DOCK2: variants seen among roughly 807,000 people sequenced by gnomAD.
DOCK2 encodes the protein dedicator of cytokinesis protein 2.
In DOCK2, 87 loss-of-function variants were observed where a neutral mutation model predicts 248.9. That is an observed-to-expected ratio of 0.35 (90% confidence interval 0.29 to 0.42). The LOEUF is 0.42. Ranked by LOEUF, DOCK2 falls within the 10% of genes least tolerant of loss-of-function variation. The pLI, the probability that DOCK2 is intolerant of heterozygous loss-of-function variation, is 1.00. For synonymous variants in DOCK2, 805 were observed against 821.6 expected (o/e 0.98, Z 0.35); for missense variants, 1,747 against 2,300.2 (o/e 0.76, Z 4.92).
chr5:169,824,715 G>A (rs1196413498), intron 26 of DOCK2, among the ~76,000 whole-genome samples: 18 of 152,222 alleles, frequency 1.2e-4, no homozygotes, highest in African/African-American at 2.4e-4. Flanking sequence ...AGGCATGGGC[G>A]AAGACTTCAT....
chr5:170,044,881 T>A (rs2113847215), intron 38 of DOCK2, among the ~76,000 whole-genome samples: 1 of 152,218 alleles, frequency 6.6e-6, no homozygotes, highest in East Asian at 1.9e-4. Context: ...AGGTGAAATG[T>A]AATGGCTATC....
chr5:169,685,840 C>CA (rs1759941896), intron 8 of DOCK2, among the ~76,000 whole-genome samples: 1 of 152,164 alleles, frequency 6.6e-6, no homozygotes, highest in South Asian at 2.1e-4. Context: ...CCCAAAGTCA[C>CA]AAATATTTGT....
chr5:169,740,493 C>T (rs1252781901), intron 22 of DOCK2, among the ~76,000 whole-genome samples: 1 of 152,194 alleles, frequency 6.6e-6, no homozygotes, highest in African/African-American at 2.4e-5. Context: ...TTGCTATTTG[C>T]CCTAAGGAGT....
intron 10 of DOCK2, 41 bp from the exon 11 acceptor site, chr5:169,698,333 G>C (rs1340133494): frequency 6.2e-7 from 1 of 1,601,780 alleles, no homozygotes; most frequent in Non-Finnish European, 8.6e-7. Flanking sequence ...TATGGGAACA[G>C]GAAGAAGTTA....
At chr5:169,790,686 G>T (rs1474774386) in intron 25 of DOCK2, among the ~76,000 whole-genome samples, 2 of 152,192 alleles carry the variant, frequency 1.3e-5, no homozygotes, top group Non-Finnish European at 2.9e-5. Flanking sequence ...AAAAACTTCT[G>T]CATAGCATTG....
chr5:169,637,411 G>T, intron 1 of DOCK2, 42 bp downstream of exon 1: 1 of 1,324,120 alleles, frequency 7.6e-7, no homozygotes. Flanking sequence ...CGGGACAGGT[G>T]GCGGGAGAGC....
At chr5:169,659,011 A>G (rs1758294596) in intron 2 of DOCK2, among the ~76,000 whole-genome samples, 1 of 132,208 alleles carries the variant, frequency 7.6e-6, no homozygotes, top group Admixed American at 7.3e-5. Context: ...TATTATTATT[A>G]TTATTATTAT....
chr5:170,061,106 T>C (rs968363714), intron 44 of DOCK2, among the ~76,000 whole-genome samples: 2 of 152,230 alleles, frequency 1.3e-5, no homozygotes, highest in African/African-American at 4.8e-5. Context: ...TTTCATCTTA[T>C]GTTCCCTCAC....
At chr5:169,697,651 A>G (rs1261961252) in intron 10 of DOCK2, among the ~76,000 whole-genome samples, 2 of 152,132 alleles carry the variant, frequency 1.3e-5, no homozygotes, top group East Asian at 1.9e-4. Flanking sequence ...TCCCCTCTCT[A>G]TCTAGATGCA....
intron 27 of DOCK2, among the ~76,000 whole-genome samples, chr5:169,957,053 G>A (rs1776898449): frequency 6.6e-6 from 1 of 151,952 alleles, no homozygotes; most frequent in African/African-American, 2.4e-5. Flanking sequence ...ATGTTGAGTA[G>A]AATTTGGAAT....
chr5:169,777,341 CGTT>C (rs1432374809), intron 25 of DOCK2, among the ~76,000 whole-genome samples: 1 of 152,152 alleles, frequency 6.6e-6, no homozygotes, highest in African/African-American at 2.4e-5. Flanking sequence ...TGTGTGTGGA[CGTT>C]CCCTGCAATA....
chr5:170,067,820 TGGTTGGCCCTCA>T, intron 45 of DOCK2, 134 bp downstream of exon 45: 1 of 966,066 alleles, frequency 1.0e-6, no homozygotes, highest in Non-Finnish European at 1.5e-6. Flanking sequence ...ACCCTCAGCT[TGGTTGGCCCTCA>T]TGTTTCTATA....
chr5:169,734,973 G>T (rs426021), intron 22 of DOCK2, among the ~76,000 whole-genome samples: 27,102 of 152,060 alleles, frequency 0.18, 3,343 homozygotes, highest in African/African-American at 0.35. Flanking sequence ...GTTTGTCCTC[G>T]GTGTATTCCT....
At chr5:169,962,643 C>T (rs977043830) in intron 27 of DOCK2, among the ~76,000 whole-genome samples, 1 of 152,118 alleles carries the variant, frequency 6.6e-6, no homozygotes, top group African/African-American at 2.4e-5. Flanking sequence ...AGATCCCTAA[C>T]CTCTAGGAAC....
In DOCK2 at chr5:169,840,844, A is replaced by G; in HGVS notation, c.2791A>G (p.Ile931Val). ...RTVITMGRDH[I>V]LISHFVACMT... The stretch of plus-strand genomic sequence containing the variant: ...AGTCATCACCATGGGCCGGGATCAC[A>G]TTCTGATTGTGAGTGGATTATTTCT... Residue 931 changes from isoleucine (I) to valine (V), a missense_variant, in exon 27 of 52, where the codon ATT becomes GTT. This residue lies in a region of DOCK2 where 858 missense variants were observed against 1,183.5 expected (regional missense o/e 0.72). Transcript: ENST00000520908. 1 of 1,613,888 alleles carries G rather than the reference A, an allele frequency of 6.2e-7. No homozygotes were observed. The highest frequency in any genetic ancestry group is 8.5e-7 in the Non-Finnish European group (1 of 1,179,946).
At chr5:170,060,133 G>T (rs1757279303) in intron 44 of DOCK2, among the ~76,000 whole-genome samples, 1 of 152,170 alleles carries the variant, frequency 6.6e-6, no homozygotes. Context: ...TCAAGTATAA[G>T]TTCTGCCTAT....
At chr5:169,640,788 A>G (rs1329301833) in intron 1 of DOCK2, among the ~76,000 whole-genome samples, 1 of 152,214 alleles carries the variant, frequency 6.6e-6, no homozygotes, top group East Asian at 1.9e-4. Flanking sequence ...TTCTTCAGAT[A>G]AATATCCAGG....
chr5:170,026,152 C>T (rs1755907321), intron 33 of DOCK2, among the ~76,000 whole-genome samples: 1 of 152,112 alleles, frequency 6.6e-6, no homozygotes, highest in African/African-American at 2.4e-5. Context: ...GGAACGATGG[C>T]ATCACGGATG....
intron 27 of DOCK2, among the ~76,000 whole-genome samples, chr5:169,973,490 A>G (rs1561860489): frequency 2.0e-5 from 3 of 152,266 alleles, no homozygotes; most frequent in African/African-American, 7.2e-5. Context: ...CTACAGTCCT[A>G]CAGAACCTGC....
Sources: allele counts gnomAD v4.1 joint callset (sites outside exome capture counted in the v4.1 genomes callset), GRCh38; gene constraint gnomAD v4.1.1; regional missense constraint gnomAD v4.1.1; transcripts MANE v1.5; gene names NCBI Gene and HGNC (gene_info 2026-07-23, HGNC 2026-07-21).